Variants in CSF2RA observed in about 807,000 individuals in gnomAD.
CSF2RA encodes colony stimulating factor 2 receptor subunit alpha, also known as granulocyte-macrophage colony-stimulating factor receptor subunit alpha.
In CSF2RA, 42 loss-of-function variants were observed where a neutral mutation model predicts 51.6. The ratio of observed to expected loss-of-function variants is 0.81; its 90% CI spans 0.64 to 1.05. CSF2RA has a LOEUF of 1.05. Among genes scored for constraint, CSF2RA ranks in the 50% least tolerant of loss-of-function variants. CSF2RA has a pLI of 0.00. For synonymous variants in CSF2RA, 222 were observed against 193.0 expected (o/e 1.15, Z -1.24); for missense variants, 530 against 501.1 (o/e 1.06, Z -0.55).
At chrX:1,294,882 C>G (rs2091773277) in intron 8 of CSF2RA, among the ~76,000 whole-genome samples, 1 of 135,650 alleles carries the variant, frequency 7.4e-6, no homozygotes, top group Non-Finnish European at 1.6e-5. Flanking sequence ...GGAGGAGACC[C>G]TGCTCCACCT....
chrX:1,304,854 G>A (rs1347746032), intron 11 of CSF2RA, among the ~76,000 whole-genome samples: 27 of 150,534 alleles, frequency 1.8e-4, no homozygotes, highest in Non-Finnish European at 3.7e-4. Context: ...TAGTAGAGAT[G>A]GGGTTTCACC....
rs769590429 is a variant in CSF2RA at position 1,305,014 on chromosome X, G to A, written c.1044-432G>A. Among the ~76,000 whole-genome samples, 4 of 133,794 alleles carry A rather than the reference G, an allele frequency of 3.0e-5. No individual in the cohort carries two copies. The South Asian group carries it at 9.7e-4, about 33-fold the overall frequency. 87.8% of individuals were successfully genotyped at this position (133,794 alleles called of 152,430 possible). On this transcript the variant is annotated intron_variant, in intron 11 of 12. Coordinates refer to ENST00000381529, the MANE Select transcript of CSF2RA (RefSeq NM_172245.4). ...TGGTGATTTTTTTTTGTTTTTTTGA[G>A]ATGGAGTCTCACTCTGTCACCCAGG...
rs777212083 is a variant in CSF2RA, at chrX:1,294,488, C to T, written c.780+27C>T. On this transcript the variant is annotated intron_variant, in intron 8 of 12. Coordinates refer to ENST00000381529, the MANE Select transcript of CSF2RA (RefSeq NM_172245.4). ...TCGGTGAGAGCTCCCCGGGGCTGGG[C>T]ACCAGGAGGGAGGCGTACGGGACAC... 5 of 1,610,000 alleles carry T rather than the reference C, an allele frequency of 3.1e-6. No homozygotes were observed. The African/African-American group carries it at 6.9e-5, about 22-fold the overall frequency.
chrX:1,287,978 C>A (rs2090957290), intron 4 of CSF2RA, among the ~76,000 whole-genome samples: 3 of 150,622 alleles, frequency 2.0e-5, no homozygotes, highest in Admixed American at 2.0e-4. Flanking sequence ...CTCAAGTGAT[C>A]CACCCGCCTT....
At chrX:1,301,674 G>A (rs1475928880) in intron 10 of CSF2RA, among the ~76,000 whole-genome samples, 1 of 140,932 alleles carries the variant, frequency 7.1e-6, no homozygotes, top group Non-Finnish European at 1.5e-5. Context: ...TCGGCTCACT[G>A]CAAGCTCCAC....
At chrX:1,314,285 T>TGTGCCTGCCCAACCGCACA (rs2084335276), downstream of CSF2RA, among the ~76,000 whole-genome samples, 11 of 48,324 alleles carry the variant, frequency 2.3e-4, no homozygotes, top group Admixed American at 2.0e-3. Context: ...CCAACCCCAC[T>TGTGCCTGCCCAACCGCACA]GCATCTGCCC....
At chrX:1,295,382 A>G (rs371686320) in intron 8 of CSF2RA, 45 bp from the exon 9 acceptor site, 377 of 1,613,030 alleles carry the variant, frequency 2.3e-4, no homozygotes, top group Non-Finnish European at 3.0e-4. Context: ...AGTGTTTTAG[A>G]AATGGAAACA....
chrX:1,304,912 G>A lies in CSF2RA; in HGVS notation c.1044-534G>A, dbSNP rs1303857021. ...ACTCTTGACCTCAGGTGATCCACCCGCCTTCGCCTCCCAAAGTGCTGGGAT... is the reference window on the plus strand; with the variant it reads ...ACTCTTGACCTCAGGTGATCCACCCACCTTCGCCTCCCAAAGTGCTGGGAT... On this transcript the variant is annotated intron_variant, in intron 11 of 12. Coordinates refer to ENST00000381529, the MANE Select transcript of CSF2RA (RefSeq NM_172245.4). 3.1e-4 allele frequency among the ~76,000 whole-genome samples: 46 copies of A among 150,386 alleles called. 1 individual carries two copies. The highest frequency in any genetic ancestry group is 9.8e-4 in the African/African-American group (40 of 41,004).
At chrX:1,279,517 C>A (rs1214989225) in intron 2 of CSF2RA, among the ~76,000 whole-genome samples, 1 of 151,864 alleles carries the variant, frequency 6.6e-6, no homozygotes, top group Non-Finnish European at 1.5e-5. Context: ...GTCAGGCCCA[C>A]CCAGACAGAA....
chrX:1,286,188 A>G (rs2090627741), intron 4 of CSF2RA, among the ~76,000 whole-genome samples: 1 of 151,866 alleles, frequency 6.6e-6, no homozygotes, highest in African/African-American at 2.4e-5. Context: ...CAGAAGAATT[A>G]CTCGAACCCG....
chrX:1,312,705 C>T (rs1435431318), downstream of CSF2RA, among the ~76,000 whole-genome samples: 2 of 152,170 alleles, frequency 1.3e-5, no homozygotes, highest in Non-Finnish European at 2.9e-5. Flanking sequence ...GACTTGGAGC[C>T]GAGAGAGAGC....
the CSF2RA span, among the ~76,000 whole-genome samples, chrX:1,318,019 C>T: frequency 6.8e-6 from 1 of 147,800 alleles, no homozygotes; most frequent in Non-Finnish European, 1.5e-5. Flanking sequence ...GACAGAGTCT[C>T]ACTGTGTCAC....
the CSF2RA span, among the ~76,000 whole-genome samples, chrX:1,320,803 A>G: frequency 6.1e-5 from 9 of 148,146 alleles, no homozygotes; most frequent in African/African-American, 1.3e-4. Flanking sequence ...GAGCCACTGC[A>G]CCCAGCCTGT....
chrX:1,281,307 T>TTCCTTCTCCTCCTCC (rs1569494960), intron 2 of CSF2RA, among the ~76,000 whole-genome samples: 1 of 48,824 alleles, frequency 2.0e-5, no homozygotes, highest in Non-Finnish European at 4.0e-5. Flanking sequence ...CCTCCTTCTC[T>TTCCTTCTCCTCCTCC]TCCTTCTCCT....
chrX:1,321,983 A>G, the CSF2RA span, among the ~76,000 whole-genome samples: 1 of 151,934 alleles, frequency 6.6e-6, no homozygotes, highest in African/African-American at 2.4e-5. Context: ...TAAAAATACA[A>G]AATTACCCCG....
chrX:1,324,774 C>T, the CSF2RA span, among the ~76,000 whole-genome samples: 1 of 152,070 alleles, frequency 6.6e-6, no homozygotes, highest in African/African-American at 2.4e-5. Context: ...GATGTGGACG[C>T]ACGCAGGGAA....
chrX:1,316,558 C>T, the CSF2RA span, among the ~76,000 whole-genome samples: 1 of 152,186 alleles, frequency 6.6e-6, no homozygotes, highest in Non-Finnish European at 1.5e-5. Flanking sequence ...CAGTGCACAG[C>T]GTCTAACAAG....
chrX:1,320,709 C>T, the CSF2RA span, among the ~76,000 whole-genome samples: 1 of 138,944 alleles, frequency 7.2e-6, no homozygotes, highest in South Asian at 2.3e-4. Context: ...GACGGGGTTT[C>T]GCCATGTTGG....
the CSF2RA span, among the ~76,000 whole-genome samples, chrX:1,320,523 A>G: frequency 2.2e-5 from 3 of 134,946 alleles, no homozygotes; most frequent in Non-Finnish European, 3.1e-5. Flanking sequence ...TCCGAGACGG[A>G]GTGTTACTCT....
Sources: allele counts gnomAD v4.1 joint callset (sites outside exome capture counted in the v4.1 genomes callset), GRCh38; gene constraint gnomAD v4.1.1; transcripts MANE v1.5; gene names NCBI Gene and HGNC (gene_info 2026-07-23, HGNC 2026-07-21).